The following TMEM268 variants were observed in gnomAD, a reference collection of about 807,000 sequenced individuals.
TMEM268 encodes the protein transmembrane protein C9orf91.
TMEM268 carries 24 observed loss-of-function variants against 39.1 expected under a neutral mutation model. That is an observed-to-expected ratio of 0.61 (90% CI 0.44 to 0.86). TMEM268 has a LOEUF of 0.86. Ranked by LOEUF, TMEM268 falls within the 40% of genes least tolerant of loss-of-function variation. The pLI is 0.00. For missense variants in TMEM268, 409 were observed against 428.6 expected (o/e 0.95, Z 0.40); for synonymous variants, 176 against 173.5 (o/e 1.01, Z -0.12).
chr9:114,642,361 C>CT lies in TMEM268; in HGVS notation c.850-764dup, dbSNP rs34754547. On this transcript the variant is annotated intron_variant, in intron 8 of 8. Coordinates refer to ENST00000288502, the MANE Select transcript of TMEM268 (RefSeq NM_153045.4). ...TTTTCCCTTTTTTATGTTTTTCTTT[C>CT]TTTTTTTTTACTGTCAGTGATCATA... is the stretch of plus-strand genomic sequence containing the variant. Among the ~76,000 whole-genome samples the CT allele has an allele frequency of 2.6e-3, 400 of 151,020 alleles. 4 individuals are homozygous for CT. The highest frequency in any genetic ancestry group is 3.3e-3 in the African/African-American group (134 of 41,170).
intron 8 of TMEM268, among the ~76,000 whole-genome samples, chr9:114,642,826 T>C (rs760742286): frequency 2.0e-4 from 30 of 152,106 alleles, no homozygotes; most frequent in Non-Finnish European, 3.5e-4. Context: ...GTAATTTCTC[T>C]AGGGCTTCGA....
intron 2 of TMEM268, chr9:114,622,394 C>A (rs1845979931): frequency 3.0e-6 from 3 of 985,010 alleles, no homozygotes; most frequent in Non-Finnish European, 3.6e-6. Flanking sequence ...ATCTCTCCCA[C>A]CCCCCAGACC....
At chr9:114,640,637 T>C (rs1454074242) in intron 8 of TMEM268, among the ~76,000 whole-genome samples, 1 of 152,198 alleles carries the variant, frequency 6.6e-6, no homozygotes, top group Non-Finnish European at 1.5e-5. Context: ...TACAGTTCCT[T>C]GCTTCTTACA....
intron 6 of TMEM268, among the ~76,000 whole-genome samples, chr9:114,634,417 C>T (rs10982344): frequency 0.21 from 31,966 of 152,058 alleles, 3,613 homozygotes; most frequent in African/African-American, 0.29. Context: ...GCCGGAGAGG[C>T]AGGTCAGATG....
chr9:114,620,238 T>C (rs929002023), intron 2 of TMEM268, among the ~76,000 whole-genome samples: 3 of 119,168 alleles, frequency 2.5e-5, no homozygotes, highest in Non-Finnish European at 5.5e-5. Flanking sequence ...ATTTTTATAG[T>C]TTTAGTTACT....
chr9:114,632,050 A>T (rs1455806852), intron 5 of TMEM268, among the ~76,000 whole-genome samples: 1 of 149,780 alleles, frequency 6.7e-6, no homozygotes, highest in South Asian at 2.1e-4. Context: ...GTGAGCTGTG[A>T]TCGTACCACT....
chr9:114,607,751 C>T (rs1845386060), upstream of TMEM268, among the ~76,000 whole-genome samples: 1 of 152,086 alleles, frequency 6.6e-6, no homozygotes, highest in South Asian at 2.1e-4. Context: ...CAGGACAGGG[C>T]AGGGCTCCCA....
At chr9:114,629,616 T>A (rs1264423994) in intron 5 of TMEM268, among the ~76,000 whole-genome samples, 3 of 152,214 alleles carry the variant, frequency 2.0e-5, no homozygotes, top group Non-Finnish European at 2.9e-5. Context: ...GCGAATAGGA[T>A]TTAGACATCT....
chr9:114,614,978 T>C (rs1655775333), intron 1 of TMEM268, among the ~76,000 whole-genome samples: 1 of 150,222 alleles, frequency 6.7e-6, no homozygotes, highest in African/African-American at 2.5e-5. Context: ...CTCACTGCAG[T>C]CTCTGCCTCC....
intron 5 of TMEM268, among the ~76,000 whole-genome samples, chr9:114,631,060 T>A (rs1397081431): frequency 6.6e-6 from 1 of 152,136 alleles, no homozygotes; most frequent in Non-Finnish European, 1.5e-5. Flanking sequence ...ACACTTATAA[T>A]CCCAGTACTT....
chr9:114,629,283 C>T (rs1288061532), intron 5 of TMEM268, among the ~76,000 whole-genome samples: 1 of 152,258 alleles, frequency 6.6e-6, no homozygotes, highest in Non-Finnish European at 1.5e-5. Flanking sequence ...AATCTAGGTA[C>T]AGGCAGGGCT....
chr9:114,620,254 AT>A (rs1402175963), intron 2 of TMEM268, among the ~76,000 whole-genome samples: 4 of 137,022 alleles, frequency 2.9e-5, no homozygotes, highest in Non-Finnish European at 4.8e-5. Context: ...TTACTTACTT[AT>A]TTTTTTTGAG....
intron 8 of TMEM268, among the ~76,000 whole-genome samples, chr9:114,640,275 C>T (rs1363903654): frequency 6.6e-6 from 1 of 151,950 alleles, no homozygotes; most frequent in African/African-American, 2.4e-5. Context: ...TCATGAGTAT[C>T]AAGTGTGTGC....
chr9:114,633,094 C>G lies in TMEM268; in HGVS notation c.475-674C>G, dbSNP rs542485183. ...TACTATAACCTCACACTCCTGGGCTCAAGTGATCCTCTCGCCTCACCCTCC... is the reference window on the plus strand; with the variant it reads ...TACTATAACCTCACACTCCTGGGCTGAAGTGATCCTCTCGCCTCACCCTCC... On this transcript the variant is annotated intron_variant, in intron 5 of 8. Transcript: ENST00000288502. Among the ~76,000 whole-genome samples the G allele has an allele frequency of 7.2e-5, 11 of 152,216 alleles. No homozygotes were observed. The South Asian group carries it at 2.3e-3, about 32-fold the overall frequency.
the TMEM268 span, among the ~76,000 whole-genome samples, chr9:114,604,696 G>T: frequency 6.6e-6 from 1 of 152,006 alleles, no homozygotes; most frequent in Non-Finnish European, 1.5e-5. Context: ...CTTTCTGAAT[G>T]GGGGAGAGGA....
chr9:114,609,733 AGGAAGGAAGG>A (rs751533777), upstream of TMEM268, among the ~76,000 whole-genome samples: 1 of 101,128 alleles, frequency 9.9e-6, no homozygotes, highest in African/African-American at 4.5e-5. Context: ...AAGAAAAAGA[AGGAAGGAAGG>A]AAAGAAAGAA....
chr9:114,617,149 G>A lies in TMEM268; in HGVS notation c.-47G>A. 7.7e-7 allele frequency: 1 copy of A among 1,291,354 alleles called. No homozygotes were observed. Among genetic ancestry groups the A allele is most frequent in the South Asian group, 1.3e-5 (1 of 78,854 alleles). 80.0% of individuals were successfully genotyped at this position (1,291,354 alleles called of 1,614,324 possible). On this transcript the variant is annotated 5_prime_UTR_variant, in exon 2 of 9. It removes an upstream start codon present in the reference 5' UTR. Coordinates refer to ENST00000288502, the MANE Select transcript of TMEM268 (RefSeq NM_153045.4). ...GATGCTGAGCTGGCTGCTCCAGAAT[G>A]AACCACAGCTCTGAGAAGGGGAAGT...
At chr9:114,616,667 ATT>A (rs779083795) in intron 1 of TMEM268, among the ~76,000 whole-genome samples, 3 of 143,682 alleles carry the variant, frequency 2.1e-5, no homozygotes, top group Admixed American at 7.0e-5. Flanking sequence ...TGCCTGGCTG[ATT>A]TTTTTTTTTT....
At position 114,645,994 on chromosome 9, in the gene TMEM268, G is replaced by C. The variant is rs930555627; in HGVS notation, c.*2681G>C. ...TTTTTTTAAATGTAATTTTTTCAGA[G>C]AGATAAGGTCTTGCTATGTTACCCA... is the stretch of plus-strand genomic sequence containing the variant. On this transcript the variant is annotated 3_prime_UTR_variant, in exon 9 of 9. Transcript: ENST00000288502. The C allele has an allele frequency of 6.6e-6, 1 of 151,744 alleles. No homozygotes were observed. Among genetic ancestry groups the C allele is most frequent in the Admixed American group, 6.6e-5 (1 of 15,218 alleles). The allele number at this position is 151,744 out of a possible 1,614,324, so 9.4% of individuals were successfully genotyped here. A position where few individuals can be genotyped will look rare whatever the true frequency, so the allele number is the denominator to read the frequency against.
Sources: allele counts gnomAD v4.1 joint callset (sites outside exome capture counted in the v4.1 genomes callset), GRCh38; gene constraint gnomAD v4.1.1; transcripts MANE v1.5; gene names NCBI Gene and HGNC (gene_info 2026-07-23, HGNC 2026-07-21).